Variants in AGBL1 observed in about 807,000 individuals in gnomAD.
AGBL1 encodes the protein AGBL carboxypeptidase 1, also known as cytosolic carboxypeptidase 4.
A neutral mutation model predicts 118.9 loss-of-function variants in AGBL1; 130 were observed. The ratio of observed to expected loss-of-function variants is 1.09; its 90% confidence interval spans 0.95 to 1.26. AGBL1 has a LOEUF of 1.26. AGBL1 is among the 50% of genes most tolerant of loss of function. The pLI is 0.00. For missense variants in AGBL1, 1,584 were observed against 1,298.1 expected, an observed-to-expected ratio of 1.22 and a Z score of -3.38; for synonymous variants, 555 against 478.9, an observed-to-expected ratio of 1.16 and a Z score of -2.08.
In AGBL1 at chr15:86,087,626, C is replaced by T. The variant is rs150261005; in HGVS notation, c.51+7603C>T. Among the ~76,000 whole-genome samples, 24 of 152,186 alleles carry T rather than the reference C, an allele frequency of 1.6e-4. No homozygotes were observed. The South Asian group carries it at 3.7e-3, about 24-fold the overall frequency. ...ATTACAGGCGTGAGCCACTGCACCC[C>T]GCCCTCATTTAATCTTTGCAACAAT... On this transcript the variant is annotated intron_variant, in intron 1 of 22. Transcript: ENST00000614907.
At chr15:86,526,466 C>T (rs2083263052) in intron 19 of AGBL1, among the ~76,000 whole-genome samples, 1 of 149,466 alleles carries the variant, frequency 6.7e-6, no homozygotes, top group Admixed American at 6.7e-5. Context: ...TGGAATCAAC[C>T]TAAGTCCCCA....
chr15:86,174,926 T>A (rs541033911), intron 5 of AGBL1, among the ~76,000 whole-genome samples: 89 of 152,094 alleles, frequency 5.9e-4, no homozygotes, highest in Non-Finnish European at 1.2e-3. Context: ...TTGAGGACTT[T>A]TGCATCTATG....
intron 1 of AGBL1, among the ~76,000 whole-genome samples, chr15:86,102,478 G>A (rs1896794715): frequency 6.6e-6 from 1 of 152,122 alleles, no homozygotes; most frequent in Admixed American, 6.5e-5. Context: ...CAGTCTAGTG[G>A]TGATACCTTT....
chr15:86,727,709 T>G (rs892684593), intron 22 of AGBL1, among the ~76,000 whole-genome samples: 6 of 152,204 alleles, frequency 3.9e-5, no homozygotes, highest in African/African-American at 1.4e-4. Flanking sequence ...GAAGCTTAAT[T>G]CTGATTTCTC....
chr15:86,458,149 T>C (rs532563211), intron 18 of AGBL1, among the ~76,000 whole-genome samples: 2 of 152,286 alleles, frequency 1.3e-5, no homozygotes, highest in East Asian at 1.9e-4. Context: ...TCAACTACTA[T>C]GACTAAGTAG....
At chr15:86,832,836 C>T (rs2079124137) in intron 22 of AGBL1, among the ~76,000 whole-genome samples, 1 of 152,206 alleles carries the variant, frequency 6.6e-6, no homozygotes, top group African/African-American at 2.4e-5. Flanking sequence ...AGCAGCACCT[C>T]ACTCTACTGG....
intron 5 of AGBL1, among the ~76,000 whole-genome samples, chr15:86,171,600 T>C (rs1197400344): frequency 6.6e-6 from 1 of 152,032 alleles, no homozygotes; most frequent in African/African-American, 2.4e-5. Context: ...GTGTCACAAA[T>C]AGACAAAAAA....
intron 18 of AGBL1, among the ~76,000 whole-genome samples, chr15:86,516,778 A>G: frequency 6.9e-6 from 1 of 144,552 alleles, no homozygotes; most frequent in Admixed American, 7.1e-5. Flanking sequence ...GGTTGACAAG[A>G]GTGAAACTCC....
At chr15:86,387,517 A>G (rs1234734096) in intron 17 of AGBL1, among the ~76,000 whole-genome samples, 3 of 152,158 alleles carry the variant, frequency 2.0e-5, no homozygotes, top group African/African-American at 7.2e-5. Context: ...AGTGAAGAAG[A>G]AAGGGGGATA....
At chr15:86,387,207 G>A (rs1461131537) in intron 17 of AGBL1, among the ~76,000 whole-genome samples, 1 of 152,156 alleles carries the variant, frequency 6.6e-6, no homozygotes, top group East Asian at 1.9e-4. Flanking sequence ...AGCTTCAGGT[G>A]GAAGGACAAT....
intron 23 of AGBL1, among the ~76,000 whole-genome samples, chr15:86,941,243 T>A (rs982152910): frequency 6.6e-6 from 1 of 152,202 alleles, no homozygotes; most frequent in Non-Finnish European, 1.5e-5. Context: ...TTCCTCCACA[T>A]TTGAAATGTA....
At chr15:86,337,898 G>A (rs2141875854) in intron 17 of AGBL1, among the ~76,000 whole-genome samples, 1 of 152,236 alleles carries the variant, frequency 6.6e-6, no homozygotes, top group East Asian at 1.9e-4. Flanking sequence ...AAAAAAGAAA[G>A]ATGCATGTAG....
chr15:86,989,827 C>T (rs983061522), intron 24 of AGBL1, among the ~76,000 whole-genome samples: 1 of 152,086 alleles, frequency 6.6e-6, no homozygotes, highest in African/African-American at 2.4e-5. Context: ...AGAAAATGAG[C>T]TATATGGACA....
chr15:86,922,332 C>G (rs2080489298), intron 23 of AGBL1, among the ~76,000 whole-genome samples: 1 of 152,170 alleles, frequency 6.6e-6, no homozygotes, highest in African/African-American at 2.4e-5. Context: ...GCTCTGTCAC[C>G]CAGGCTGGAG....
chr15:86,537,355 T>A (rs2083440555), intron 19 of AGBL1, among the ~76,000 whole-genome samples: 1 of 152,260 alleles, frequency 6.6e-6, no homozygotes, highest in Non-Finnish European at 1.5e-5. Context: ...TACCTGCAAC[T>A]GAGCGAGACA....
At chr15:86,301,816 T>C (rs1392303827) in intron 17 of AGBL1, among the ~76,000 whole-genome samples, 3 of 152,070 alleles carry the variant, frequency 2.0e-5, no homozygotes, top group Non-Finnish European at 2.9e-5. Context: ...TTACCCACCA[T>C]GGTCACCTGT....
chr15:86,427,018 G>A (rs1038200027), intron 18 of AGBL1, among the ~76,000 whole-genome samples: 5 of 151,976 alleles, frequency 3.3e-5, no homozygotes, highest in Admixed American at 6.6e-5. Context: ...CGCCTGCCTC[G>A]GCCTCCGAAA....
chr15:86,376,511 A>G (rs1003058128), intron 17 of AGBL1, among the ~76,000 whole-genome samples: 2 of 152,220 alleles, frequency 1.3e-5, no homozygotes, highest in Admixed American at 1.3e-4. Flanking sequence ...TTCCTGTGGA[A>G]TCCTGGTTGG....
intron 24 of AGBL1, among the ~76,000 whole-genome samples, chr15:86,991,402 T>C (rs2081334637): frequency 3.9e-5 from 6 of 152,100 alleles, no homozygotes. Context: ...AGTGAAGTTC[T>C]CCAGGCCCCT....
Sources: allele counts gnomAD v4.1 joint callset (sites outside exome capture counted in the v4.1 genomes callset), GRCh38; gene constraint gnomAD v4.1.1; transcripts MANE v1.5; gene names NCBI Gene and HGNC (gene_info 2026-07-23, HGNC 2026-07-21).